GAS2: variants seen among roughly 807,000 people sequenced by gnomAD.
GAS2 encodes the protein growth arrest-specific protein 2.
GAS2 carries 20 observed loss-of-function variants against 37.5 expected under a neutral mutation model. The observed-to-expected ratio is 0.53, with a 90% CI of 0.37 to 0.77. The LOEUF is 0.77. GAS2 is among the 30% of genes least tolerant of loss of function. GAS2 has a pLI of 0.00. For synonymous variants in GAS2, 144 were observed against 132.2 expected (o/e 1.09, Z -0.61); for missense variants, 336 against 373.4 (o/e 0.90, Z 0.82).
At chr11:22,663,333 A>G (rs528903197), upstream of GAS2, among the ~76,000 whole-genome samples, 160 of 152,184 alleles carry the variant, frequency 1.1e-3, no homozygotes, top group African/African-American at 3.8e-3. Context: ...TGACACTGAG[A>G]TGGGAGGATA....
intron 1 of GAS2, among the ~76,000 whole-genome samples, chr11:22,632,859 C>T (rs1299950330): frequency 6.6e-6 from 1 of 151,600 alleles, no homozygotes; most frequent in Non-Finnish European, 1.5e-5. Flanking sequence ...AAAACTTTTC[C>T]CTGCATTTCG....
At chr11:22,686,420 A>T (rs961106901) in intron 3 of GAS2, among the ~76,000 whole-genome samples, 1 of 151,900 alleles carries the variant, frequency 6.6e-6, no homozygotes, top group Non-Finnish European at 1.5e-5. Flanking sequence ...TATAAAAAAT[A>T]TTAAAATAAT....
intron 7 of GAS2, among the ~76,000 whole-genome samples, chr11:22,806,245 G>A (rs1590152273): frequency 3.9e-5 from 6 of 152,110 alleles, no homozygotes; most frequent in Admixed American, 3.9e-4. Context: ...AATGTCCTCT[G>A]GGTTCATTCT....
chr11:22,779,368 C>T (rs1855434578), intron 7 of GAS2, among the ~76,000 whole-genome samples: 2 of 152,150 alleles, frequency 1.3e-5, no homozygotes, highest in African/African-American at 4.8e-5. Context: ...CTTCTTTCAA[C>T]ACAGTGTGTT....
At chr11:22,804,100 G>A (rs1214449279) in intron 7 of GAS2, among the ~76,000 whole-genome samples, 1 of 152,140 alleles carries the variant, frequency 6.6e-6, no homozygotes, top group Non-Finnish European at 1.5e-5. Context: ...AGTTGGGGGT[G>A]ATGTTTTGAA....
chr11:22,763,610 TACACATACACACACACACAC>T lies in GAS2; in HGVS notation c.723+7663_723+7682del, dbSNP rs905077453. Among the ~76,000 whole-genome samples, 5 of 84,530 alleles carry T rather than the reference TACACATACACACACACACAC, an allele frequency of 5.9e-5. No homozygotes were observed. The Admixed American group carries it at 6.9e-4, about 12-fold the overall frequency. The allele number at this position is 84,530 out of a possible 152,430, so 55.5% of individuals were successfully genotyped here. A position where few individuals can be genotyped will look rare whatever the true frequency, so the allele number is the denominator to read the frequency against. On this transcript the variant is annotated intron_variant, in intron 7 of 7. Coordinates refer to ENST00000454584, the MANE Select transcript of GAS2 (RefSeq NM_001143830.3). ...AAAGTCAACAATTCATTTAAAAAAA[TACACATACACACACACACAC>T]ACACACACACACACACACACACACA...
intron 1 of GAS2, among the ~76,000 whole-genome samples, chr11:22,643,379 C>T (rs1848652303): frequency 6.7e-6 from 1 of 150,040 alleles, no homozygotes; most frequent in African/African-American, 2.5e-5. Context: ...TACTTAAGTA[C>T]TTGAGTTAGT....
At chr11:22,714,275 A>G (rs1420398851) in intron 3 of GAS2, among the ~76,000 whole-genome samples, 1 of 152,224 alleles carries the variant, frequency 6.6e-6, no homozygotes, top group Non-Finnish European at 1.5e-5. Context: ...TAAAAAAGAT[A>G]AAGAGGGACA....
intron 7 of GAS2, among the ~76,000 whole-genome samples, chr11:22,794,973 T>C (rs1463694082): frequency 6.6e-6 from 1 of 152,156 alleles, no homozygotes; most frequent in African/African-American, 2.4e-5. Flanking sequence ...AATCAGTAAT[T>C]CATTCATCCA....
chr11:22,695,919 T>A (rs1223165418), intron 3 of GAS2, among the ~76,000 whole-genome samples: 1 of 152,146 alleles, frequency 6.6e-6, no homozygotes, highest in Non-Finnish European at 1.5e-5. Flanking sequence ...CCTATGCAAA[T>A]ATTTCTAAAA....
intron 7 of GAS2, among the ~76,000 whole-genome samples, chr11:22,799,901 A>T (rs1856585636): frequency 6.6e-6 from 1 of 152,042 alleles, no homozygotes; most frequent in Non-Finnish European, 1.5e-5. Context: ...CTTGCCTGCC[A>T]CTCAACAAAT....
rs532032075 is a variant in GAS2 at position 22,801,197 on chromosome 11, GA to G, written c.724-10593del. ...TAAACTACATAACTAAGAGACAGGG[GA>G]AAAAAAACTCCTTTCTGAAATCCTG... On this transcript the variant is annotated intron_variant, in intron 7 of 7. Coordinates refer to ENST00000454584, the MANE Select transcript of GAS2 (RefSeq NM_001143830.3). Among the ~76,000 whole-genome samples the G allele has an allele frequency of 8.4e-3, 1,269 of 151,604 alleles. 15 individuals are homozygous for G. Among genetic ancestry groups the G allele is most frequent in the Admixed American group, 0.019 (282 of 15,204 alleles).
chr11:22,716,994 T>C (rs1851711656), intron 3 of GAS2, among the ~76,000 whole-genome samples: 1 of 152,134 alleles, frequency 6.6e-6, no homozygotes, highest in Non-Finnish European at 1.5e-5. Context: ...AAAGAAATCA[T>C]AGACAATGCA....
intron 1 of GAS2, among the ~76,000 whole-genome samples, chr11:22,634,379 A>G (rs1187060221): frequency 6.6e-6 from 1 of 152,200 alleles, no homozygotes; most frequent in African/African-American, 2.4e-5. Flanking sequence ...AAACCATATC[A>G]GGAAGAAAAA....
intron 1 of GAS2, among the ~76,000 whole-genome samples, chr11:22,658,998 G>A (rs1422185361): frequency 6.6e-6 from 1 of 152,138 alleles, no homozygotes. Flanking sequence ...TTTTGTTATT[G>A]CCTCTTTTTG....
intron 7 of GAS2, among the ~76,000 whole-genome samples, chr11:22,790,404 T>C (rs1253133528): frequency 1.3e-5 from 2 of 152,214 alleles, no homozygotes; most frequent in Non-Finnish European, 2.9e-5. Flanking sequence ...AGAGCCATGC[T>C]GCTTTACATT....
intron 2 of GAS2, among the ~76,000 whole-genome samples, chr11:22,675,993 A>G (rs567354695): frequency 1.3e-5 from 2 of 152,040 alleles, no homozygotes; most frequent in Non-Finnish European, 2.9e-5. Context: ...GGATTTTTGC[A>G]TGGCTTTTGT....
At chr11:22,743,634 C>T (rs1853216479) in intron 5 of GAS2, among the ~76,000 whole-genome samples, 1 of 152,060 alleles carries the variant, frequency 6.6e-6, no homozygotes, top group Non-Finnish European at 1.5e-5. Context: ...ACTGCTACAA[C>T]AGACCTTGAG....
intron 3 of GAS2, among the ~76,000 whole-genome samples, chr11:22,705,790 GCAAA>G (rs1851087011): frequency 6.6e-6 from 1 of 152,108 alleles, no homozygotes; most frequent in South Asian, 2.1e-4. Flanking sequence ...TAAAAAGTAT[GCAAA>G]CAGTGAATTT....
Sources: gnomAD v4.1 joint callset for allele counts (sites outside exome capture counted in the v4.1 genomes callset) on GRCh38, gnomAD v4.1.1 for gene constraint, MANE v1.5 for transcripts, NCBI Gene and HGNC (gene_info 2026-07-23, HGNC 2026-07-21) for gene names.